The following SGCE variants were observed in gnomAD, a reference collection of about 807,000 sequenced individuals.
SGCE encodes sarcoglycan epsilon, also known as epsilon-sarcoglycan.
In SGCE, 26 loss-of-function variants were observed where a neutral mutation model predicts 57.8. The ratio of observed to expected loss-of-function variants is 0.45; its 90% CI spans 0.33 to 0.62. The LOEUF (loss-of-function observed/expected upper bound fraction) is 0.62. SGCE is among the 20% of genes least tolerant of loss of function. The probability of loss-of-function intolerance (pLI) is 0.02; values close to 1 mark genes in which losing one functional copy is unlikely to be tolerated. For synonymous variants in SGCE, 183 were observed against 189.5 expected (o/e 0.97, Z 0.28); for missense variants, 468 against 548.6 (o/e 0.85, Z 1.47).
chr7:94,640,299 A>T (rs535437673), intron 1 of SGCE, among the ~76,000 whole-genome samples: 1 of 152,280 alleles, frequency 6.6e-6, no homozygotes, highest in African/African-American at 2.4e-5. Context: ...TCTCCAGAGA[A>T]ATGATTATTG....
At chr7:94,588,887 G>GTGCTAA in intron 9 of SGCE, 155 bp from the exon 10 acceptor site, 1 of 755,370 alleles carries the variant, frequency 1.3e-6, no homozygotes. Context: ...TTACAGATGA[G>GTGCTAA]GAAACTGAGG....
intron 1 of SGCE, among the ~76,000 whole-genome samples, chr7:94,655,215 G>A (rs533930230): frequency 6.6e-6 from 1 of 152,106 alleles, no homozygotes; most frequent in Non-Finnish European, 1.5e-5. Flanking sequence ...CCTCGTAATC[G>A]CCACCAAAAG....
chr7:94,625,367 T>A (rs1803530346), intron 3 of SGCE: 1 of 152,046 alleles, frequency 6.6e-6, no homozygotes. Flanking sequence ...TTTCTTTTTT[T>A]TATCTTTTTA....
chr7:94,620,829 C>CAGCT (rs1802654526), intron 4 of SGCE: 1 of 152,224 alleles, frequency 6.6e-6, no homozygotes, highest in South Asian at 2.1e-4. Flanking sequence ...TTGAGCTGGG[C>CAGCT]AGCTGCCTGC....
Position 94,640,146 on chromosome 7 carries a change from C to A in SGCE, c.110-10305G>T, listed in dbSNP as rs139615669. On this transcript the variant is annotated intron_variant, in intron 1 of 10. Transcript: ENST00000648936. ...CATAGAATAGCAATACTTTAGGAAC[C>A]TCAGAAAAGTCAGTTTCAAGAGAAA... is the stretch of plus-strand genomic sequence containing the variant. Among the ~76,000 whole-genome samples the A allele has an allele frequency of 4.5e-3, 690 of 151,998 alleles. 8 individuals are homozygous for A. The highest frequency in any genetic ancestry group is 0.015 in the African/African-American group (607 of 41,428).
Position 94,586,133 on chromosome 7 carries a change from A to G in SGCE, c.1298-618T>C, listed in dbSNP as rs114647036. The stretch of plus-strand genomic sequence containing the variant: ...TTCCCCTGATAAATTCCATATAGGT[A>G]GCTACAAATAAAATTACTTGGTATC... On this transcript the variant is annotated intron_variant, in intron 10 of 10. Transcript: ENST00000648936. Among the ~76,000 whole-genome samples the G allele has an allele frequency of 5.4e-3, 809 of 149,228 alleles. 10 individuals carry two copies. The highest frequency in any genetic ancestry group is 0.019 in the African/African-American group (763 of 40,908).
At chr7:94,604,995 T>C (rs1483004811) in intron 5 of SGCE, among the ~76,000 whole-genome samples, 1 of 151,526 alleles carries the variant, frequency 6.6e-6, no homozygotes, top group Non-Finnish European at 1.5e-5. Flanking sequence ...AAACTAATCA[T>C]AGAATTACAG....
At chr7:94,587,003 A>G (rs189873533) in intron 10 of SGCE, 1 of 984,100 alleles carries the variant, frequency 1.0e-6, no homozygotes, top group East Asian at 1.1e-4. Context: ...AAATGTAAGA[A>G]AACAAGAAGG....
intron 10 of SGCE, chr7:94,588,016 GT>G (rs1797134868): frequency 7.2e-7 from 1 of 1,389,200 alleles, no homozygotes; most frequent in African/African-American, 1.5e-5. Flanking sequence ...GGCATTAATG[GT>G]TCCCTGGCAA....
At chr7:94,647,484 C>G (rs1000293459) in intron 1 of SGCE, among the ~76,000 whole-genome samples, 1 of 152,182 alleles carries the variant, frequency 6.6e-6, no homozygotes, top group Non-Finnish European at 1.5e-5. Flanking sequence ...CCCCTCCAAC[C>G]TTTTCCTCAC....
chr7:94,598,891 C>T lies in SGCE; in HGVS notation c.1137G>A (p.Glu379=). 6.2e-7 allele frequency: 1 copy of T among 1,613,664 alleles called. No homozygotes were observed. The highest frequency in any genetic ancestry group is 8.5e-7 in the Non-Finnish European group (1 of 1,179,642). Residue 379 remains glutamate (E), a synonymous_variant, in exon 9 of 11, where the codon GAG becomes GAA. Transcript: ENST00000648936. Reference sequence around the variant, plus strand: ...GAAGCGTTGACAGGGGCCATGCTATCTCTCTATTCTTGGACATGTCTCGAA... The same window carrying T: ...GAAGCGTTGACAGGGGCCATGCTATTTCTCTATTCTTGGACATGTCTCGAA... ...KELRDMSKNR[E]IAWPLSTLPV... is the part of the protein sequence containing the mutation.
Position 94,608,453 on chromosome 7 carries a change from T to C in SGCE, c.663-5001A>G, listed in dbSNP as rs372429286. 2.7e-4 allele frequency among the ~76,000 whole-genome samples: 41 copies of C among 152,304 alleles called. No individual in the cohort carries two copies. The South Asian group carries it at 8.3e-3, about 31-fold the overall frequency. On this transcript the variant is annotated intron_variant, in intron 5 of 10. Transcript: ENST00000648936. ...TAAATAAATGGAGAGATATTCCATG[T>C]TTAATGGATAGGAAGACTAAATATT... is the stretch of plus-strand genomic sequence containing the variant.
chr7:94,651,552 G>T (rs576681404), intron 1 of SGCE, among the ~76,000 whole-genome samples: 33 of 152,194 alleles, frequency 2.2e-4, no homozygotes, highest in Non-Finnish European at 4.4e-4. Context: ...CTTGACAAAT[G>T]CTTTGCAGAA....
intron 1 of SGCE, among the ~76,000 whole-genome samples, chr7:94,634,429 T>C (rs1313917923): frequency 6.6e-6 from 1 of 152,212 alleles, no homozygotes; most frequent in South Asian, 2.1e-4. Flanking sequence ...CCCAGTCTGC[T>C]AATGCTTTTT....
intron 10 of SGCE, chr7:94,587,612 C>T (rs1288065102): frequency 8.6e-6 from 12 of 1,391,642 alleles, no homozygotes; most frequent in Non-Finnish European, 1.1e-5. Context: ...TTTGTTCCTT[C>T]ATCAATCTCC....
At position 94,629,659 on chromosome 7, in the gene SGCE, T is replaced by C. The variant is rs185207822; in HGVS notation, c.232+60A>G. The C allele has an allele frequency of 2.4e-5, 36 of 1,509,618 alleles. No individual in the cohort carries two copies. In the East Asian group the frequency reaches 5.0e-4, roughly 21 times the overall value. 93.5% of individuals were successfully genotyped at this position (1,509,618 alleles called of 1,614,324 possible). On this transcript the variant is annotated intron_variant, in intron 2 of 10. Coordinates refer to ENST00000648936, the MANE Select transcript of SGCE (RefSeq NM_003919.3). ...TATTTTATCATATATGTCTATATTA[T>C]GCAAATTAAACAAAAAATTTAGTAC...
At chr7:94,598,611 T>A in intron 9 of SGCE, 164 bp downstream of exon 9, 1 of 659,312 alleles carries the variant, frequency 1.5e-6, no homozygotes, top group East Asian at 2.7e-5. Flanking sequence ...GTAATTGTAT[T>A]GTATATTTCA....
At chr7:94,636,316 A>G (rs78778272) in intron 1 of SGCE, among the ~76,000 whole-genome samples, 2,709 of 152,290 alleles carry the variant, frequency 0.018, 75 homozygotes, top group African/African-American at 0.061. Context: ...CATGCCAAAT[A>G]TATTTCTTTA....
chr7:94,590,279 T>TA (rs1025708682), intron 9 of SGCE, among the ~76,000 whole-genome samples: 3 of 152,094 alleles, frequency 2.0e-5, no homozygotes, highest in African/African-American at 4.8e-5. Context: ...TATTTTTAAT[T>TA]AAAAAAATCT....
Sources: allele counts gnomAD v4.1 joint callset (sites outside exome capture counted in the v4.1 genomes callset), GRCh38; gene constraint gnomAD v4.1.1; transcripts MANE v1.5; gene names NCBI Gene and HGNC (gene_info 2026-07-23, HGNC 2026-07-21).